Variants in SNTG1 observed in about 807,000 individuals in gnomAD.
SNTG1 encodes gamma-1-syntrophin.
In SNTG1, 39 loss-of-function variants were observed where a neutral mutation model predicts 74.7. That is an observed-to-expected ratio of 0.52 (90% CI 0.40 to 0.68). SNTG1 has a LOEUF of 0.68. Among genes scored for constraint, SNTG1 ranks in the 30% least tolerant of loss-of-function variants. The probability of loss-of-function intolerance (pLI) is 0.00; values close to 1 mark genes in which losing one functional copy is unlikely to be tolerated. For missense variants in SNTG1, 685 were observed against 609.5 expected, an observed-to-expected ratio of 1.12 and a Z score of -1.30; for synonymous variants, 254 against 217.1, an observed-to-expected ratio of 1.17 and a Z score of -1.49.
rs573565915 is a variant in SNTG1, at chr8:50,335,619, T to C, written c.-27-58593T>C. Among the ~76,000 whole-genome samples the C allele has an allele frequency of 2.0e-5, 3 of 152,224 alleles. No homozygotes were observed. In the East Asian group the frequency reaches 5.8e-4, roughly 29 times the overall value. On this transcript the variant is annotated intron_variant, in intron 2 of 18. Transcript: ENST00000642720. ...TTCTCACACTTGGAAACCATCAGAC[T>C]GCTCTCTCTCATATCCTTAACTCCA...
chr8:50,680,580 G>A (rs1050796717), intron 15 of SNTG1, among the ~76,000 whole-genome samples: 1 of 152,108 alleles, frequency 6.6e-6, no homozygotes, highest in Non-Finnish European at 1.5e-5. Flanking sequence ...ATGTATGAGA[G>A]CAAAGTGCTA....
At position 50,646,278 on chromosome 8, in the gene SNTG1, T is replaced by A. The variant is rs374296467; in HGVS notation, c.850-10631T>A. ...CTTCTCCACTAAGCTTGAGGCAGCA[T>A]CTCTGTCCTTTGGAAGGTTCATTAA... On this transcript the variant is annotated intron_variant, in intron 13 of 18. Transcript: ENST00000642720. Among the ~76,000 whole-genome samples the A allele has an allele frequency of 3.0e-3, 463 of 152,328 alleles. 3 individuals are homozygous for A. The highest frequency in any genetic ancestry group is 0.011 in the African/African-American group (446 of 41,584).
In SNTG1 at chr8:49,946,380, G is replaced by A. The variant is rs371411882; in HGVS notation, c.-103+34149G>A. ...CTCTAATTTAGGCTACAATGAGACC[G>A]TGAATAAAATCTTGAAAACTCTGGG... On this transcript the variant is annotated intron_variant, in intron 1 of 18. Coordinates refer to ENST00000642720, the MANE Select transcript of SNTG1 (RefSeq NM_018967.5). Among the ~76,000 whole-genome samples, 5 of 152,240 alleles carry A rather than the reference G, an allele frequency of 3.3e-5. No homozygotes were observed. In the South Asian group the frequency reaches 6.2e-4, roughly 19 times the overall value.
Position 50,763,908 on chromosome 8 carries a change from A to C in SNTG1, c.1395+11797A>C, listed in dbSNP as rs200983015. Among the ~76,000 whole-genome samples, 115 of 112,866 alleles carry C rather than the reference A, an allele frequency of 1.0e-3. 4 individuals carry two copies. Among genetic ancestry groups the C allele is most frequent in the African/African-American group, 5.4e-3 (88 of 16,438 alleles). The allele number at this position is 112,866 out of a possible 152,430, so 74.0% of individuals were successfully genotyped here. ...ACACACACACACACACACACACACA[A>C]AAATAACCAAGGCAATTCCTATACA... On this transcript the variant is annotated intron_variant, in intron 18 of 18. Coordinates refer to ENST00000642720, the MANE Select transcript of SNTG1 (RefSeq NM_018967.5).
intron 15 of SNTG1, among the ~76,000 whole-genome samples, chr8:50,701,586 C>CTTCTTCTTCTTCTTCT (rs2095423842): frequency 0.011 from 1,590 of 145,286 alleles, 107 homozygotes; most frequent in African/African-American, 0.037. Context: ...CTTTTTCTTC[C>CTTCTTCTTCTTCTTCT]TCTTCTTCTT....
chr8:50,618,858 G>A (rs1456026748), intron 13 of SNTG1, among the ~76,000 whole-genome samples: 4 of 151,724 alleles, frequency 2.6e-5, no homozygotes, highest in African/African-American at 4.8e-5. Context: ...GCATTTTAGA[G>A]TGTGCTAGCA....
At chr8:50,200,505 T>G (rs2083943754) in intron 2 of SNTG1, among the ~76,000 whole-genome samples, 1 of 152,128 alleles carries the variant, frequency 6.6e-6, no homozygotes, top group Non-Finnish European at 1.5e-5. Flanking sequence ...ATCTTCTCTG[T>G]GTGGAAAGAT....
intron 1 of SNTG1, among the ~76,000 whole-genome samples, chr8:49,922,741 A>G (rs1018639113): frequency 1.3e-5 from 2 of 152,142 alleles, no homozygotes; most frequent in African/African-American, 4.8e-5. Context: ...GAGTTGTATA[A>G]AAGTATTCTT....
At chr8:50,300,369 G>A (rs935770562) in intron 2 of SNTG1, among the ~76,000 whole-genome samples, 1 of 152,084 alleles carries the variant, frequency 6.6e-6, no homozygotes. Context: ...TTTGATTCAT[G>A]TTGGACTGTC....
intron 8 of SNTG1, among the ~76,000 whole-genome samples, chr8:50,501,338 A>C (rs771797574): frequency 6.7e-6 from 1 of 149,642 alleles, no homozygotes; most frequent in Non-Finnish European, 1.5e-5. Flanking sequence ...TCTGTCTTTC[A>C]GAGTTCTTAT....
intron 8 of SNTG1, among the ~76,000 whole-genome samples, chr8:50,453,525 A>T (rs1489507690): frequency 6.6e-6 from 1 of 152,040 alleles, no homozygotes; most frequent in African/African-American, 2.4e-5. Flanking sequence ...CTCAGAAACA[A>T]CTCTGCAAAT....
intron 2 of SNTG1, among the ~76,000 whole-genome samples, chr8:50,331,674 G>C (rs769016471): frequency 5.8e-4 from 88 of 152,290 alleles, no homozygotes; most frequent in Non-Finnish European, 1.0e-3. Flanking sequence ...ATCTGCATGA[G>C]AGATAGCAGT....
At chr8:50,644,678 G>A (rs1330942765) in intron 13 of SNTG1, among the ~76,000 whole-genome samples, 2 of 152,088 alleles carry the variant, frequency 1.3e-5, no homozygotes, top group Admixed American at 1.3e-4. Context: ...TAGTGGTAGG[G>A]GATTTCTGTC....
chr8:50,065,003 G>T (rs1820787205), intron 1 of SNTG1, among the ~76,000 whole-genome samples: 1 of 152,086 alleles, frequency 6.6e-6, no homozygotes, highest in Admixed American at 6.5e-5. Context: ...ACCGTGATTG[G>T]CATACAGTGA....
intron 1 of SNTG1, among the ~76,000 whole-genome samples, chr8:50,101,283 T>C (rs1182753682): frequency 6.6e-6 from 1 of 152,086 alleles, no homozygotes; most frequent in Non-Finnish European, 1.5e-5. Flanking sequence ...AATATTCCTT[T>C]GAGTATATAG....
chr8:50,497,881 T>C (rs1311484778), intron 8 of SNTG1, among the ~76,000 whole-genome samples: 2 of 152,042 alleles, frequency 1.3e-5, no homozygotes, highest in Non-Finnish European at 2.9e-5. Context: ...TTTTCTGGCT[T>C]CTTTCACTAA....
intron 1 of SNTG1, among the ~76,000 whole-genome samples, chr8:49,931,896 C>T (rs1807629050): frequency 6.6e-6 from 1 of 152,188 alleles, no homozygotes; most frequent in African/African-American, 2.4e-5. Context: ...AATAAGATGG[C>T]TTCTGGCTGA....
intron 2 of SNTG1, among the ~76,000 whole-genome samples, chr8:50,298,041 A>T (rs1354105312): frequency 6.6e-6 from 1 of 151,994 alleles, no homozygotes; most frequent in Non-Finnish European, 1.5e-5. Context: ...GCTAAAAAAA[A>T]AAATCCATAT....
At chr8:50,533,576 CA>C (rs5891372) in intron 10 of SNTG1, among the ~76,000 whole-genome samples, 5,418 of 151,646 alleles carry the variant, frequency 0.036, 346 homozygotes, top group African/African-American at 0.12. Flanking sequence ...ACTACTATTC[CA>C]AAAAAATGAT....
Sources: gnomAD v4.1 joint callset for allele counts (sites outside exome capture counted in the v4.1 genomes callset) on GRCh38, gnomAD v4.1.1 for gene constraint, MANE v1.5 for transcripts, NCBI Gene and HGNC (gene_info 2026-07-23, HGNC 2026-07-21) for gene names.